Variants in SORCS3 observed in about 807,000 individuals in gnomAD.
SORCS3 encodes the protein VPS10 domain-containing receptor SorCS3.
A neutral mutation model predicts 146.3 loss-of-function variants in SORCS3; 57 were observed. That is an observed-to-expected ratio of 0.39 (90% CI 0.31 to 0.49). SORCS3 has a LOEUF of 0.49. Ranked by LOEUF, SORCS3 falls within the 20% of genes least tolerant of loss-of-function variation. SORCS3 has a pLI of 0.92. For missense variants in SORCS3, 1,341 were observed against 1,575.5 expected (o/e 0.85, Z 2.52); for synonymous variants, 653 against 618.5 (o/e 1.06, Z -0.83).
intron 20 of SORCS3, among the ~76,000 whole-genome samples, chr10:105,232,652 T>C (rs548426308): frequency 2.6e-5 from 4 of 152,042 alleles, no homozygotes; most frequent in South Asian, 2.1e-4. Context: ...CTTTTTAATA[T>C]ATACACTCAA....
intron 4 of SORCS3, among the ~76,000 whole-genome samples, chr10:105,011,762 C>T (rs2055137451): frequency 6.6e-6 from 1 of 152,162 alleles, no homozygotes; most frequent in Admixed American, 6.6e-5. Flanking sequence ...TTCCATTCCT[C>T]TTTCCACCAG....
At chr10:104,836,632 C>G (rs1320598066) in intron 1 of SORCS3, among the ~76,000 whole-genome samples, 1 of 152,178 alleles carries the variant, frequency 6.6e-6, no homozygotes, top group Non-Finnish European at 1.5e-5. Context: ...CCGCCCTCTT[C>G]ACTCTTGTAG....
At chr10:105,242,494 A>ATATATTTATATATTTATATATT (rs1564793531) in intron 20 of SORCS3, among the ~76,000 whole-genome samples, 7 of 15,956 alleles carry the variant, frequency 4.4e-4, no homozygotes, top group Admixed American at 7.0e-4. Context: ...TTATATATTT[A>ATATATTTATATATTTATATATT]TATATATTTA....
intron 3 of SORCS3, among the ~76,000 whole-genome samples, chr10:104,953,236 A>G (rs2019452125): frequency 6.6e-6 from 1 of 152,196 alleles, no homozygotes; most frequent in Non-Finnish European, 1.5e-5. Flanking sequence ...ATCATGGTGA[A>G]GGCTCTGCTG....
chr10:104,871,239 A>G (rs2018516011), intron 2 of SORCS3, among the ~76,000 whole-genome samples: 1 of 152,228 alleles, frequency 6.6e-6, no homozygotes, highest in South Asian at 2.1e-4. Flanking sequence ...AAAGAAACCA[A>G]TGCACAGGGA....
intron 5 of SORCS3, among the ~76,000 whole-genome samples, chr10:105,060,876 G>A (rs911921409): frequency 1.4e-4 from 22 of 151,858 alleles, no homozygotes; most frequent in Admixed American, 8.5e-4. Flanking sequence ...GGCGGAGGTT[G>A]TGGTGAGCTG....
intron 1 of SORCS3, among the ~76,000 whole-genome samples, chr10:104,699,826 A>G (rs1021162668): frequency 6.6e-6 from 1 of 152,188 alleles, no homozygotes; most frequent in Non-Finnish European, 1.5e-5. Context: ...TAGATTTTTT[A>G]AAATATGAAT....
At chr10:105,107,970 T>C (rs986951031) in intron 7 of SORCS3, among the ~76,000 whole-genome samples, 1 of 152,206 alleles carries the variant, frequency 6.6e-6, no homozygotes, top group Non-Finnish European at 1.5e-5. Context: ...GGGTGGATTA[T>C]ATTTATTAAC....
intron 2 of SORCS3, among the ~76,000 whole-genome samples, chr10:104,874,139 T>C (rs1232423525): frequency 6.6e-6 from 1 of 152,208 alleles, no homozygotes; most frequent in Non-Finnish European, 1.5e-5. Flanking sequence ...TGCAGTGTGC[T>C]TATCTTGTTT....
chr10:104,768,508 G>C (rs1340652362), intron 1 of SORCS3, among the ~76,000 whole-genome samples: 1 of 152,070 alleles, frequency 6.6e-6, no homozygotes, highest in Non-Finnish European at 1.5e-5. Flanking sequence ...TGGGAGAAAG[G>C]AAACAAAAAA....
chr10:104,887,178 C>T (rs2018697722), intron 2 of SORCS3, among the ~76,000 whole-genome samples: 2 of 152,132 alleles, frequency 1.3e-5, no homozygotes, highest in Non-Finnish European at 2.9e-5. Context: ...AGACACTTTG[C>T]AGTTCATAAA....
chr10:105,080,877 T>G (rs551825720), intron 5 of SORCS3, among the ~76,000 whole-genome samples: 1 of 152,296 alleles, frequency 6.6e-6, no homozygotes, highest in East Asian at 1.9e-4. Context: ...CTACCTGATC[T>G]TCAATGAAGC....
chr10:104,984,032 C>T (rs1344551798), intron 4 of SORCS3, among the ~76,000 whole-genome samples: 1 of 152,138 alleles, frequency 6.6e-6, no homozygotes, highest in Non-Finnish European at 1.5e-5. Context: ...CTGAGAATTA[C>T]TTGCGTGCTT....
chr10:104,841,416 C>T (rs1159952391), intron 1 of SORCS3, among the ~76,000 whole-genome samples: 1 of 152,186 alleles, frequency 6.6e-6, no homozygotes, highest in East Asian at 1.9e-4. Flanking sequence ...TACTATTCTA[C>T]AAATGGCCAT....
intron 1 of SORCS3, among the ~76,000 whole-genome samples, chr10:104,688,595 C>T (rs1283340864): frequency 5.3e-5 from 8 of 152,184 alleles, no homozygotes; most frequent in African/African-American, 1.4e-4. Context: ...GTGGATTGTT[C>T]GGCCTCAACT....
At chr10:104,937,905 G>T (rs949413434) in intron 3 of SORCS3, among the ~76,000 whole-genome samples, 2 of 152,114 alleles carry the variant, frequency 1.3e-5, no homozygotes, top group African/African-American at 4.8e-5. Flanking sequence ...TTAATTACAA[G>T]GCACAGCAGT....
chr10:104,781,842 C>A (rs1345927753), intron 1 of SORCS3, among the ~76,000 whole-genome samples: 1 of 152,194 alleles, frequency 6.6e-6, no homozygotes, highest in African/African-American at 2.4e-5. Context: ...GGTGAGTCTT[C>A]CTGCTCTTCA....
At position 104,704,467 on chromosome 10, in the gene SORCS3, A is replaced by G. The variant is rs913466234; in HGVS notation, c.627+62513A>G. Among the ~76,000 whole-genome samples, 4 of 152,252 alleles carry G rather than the reference A, an allele frequency of 2.6e-5. No homozygotes were observed. In the East Asian group the frequency reaches 7.7e-4, roughly 29 times the overall value. On this transcript the variant is annotated intron_variant, in intron 1 of 26. Coordinates refer to ENST00000369701, the MANE Select transcript of SORCS3 (RefSeq NM_014978.3). ...GCTGGGATTACAGGAATGAGTCACC[A>G]TGCCCCAGCTGACTTCTACAGGTTC...
intron 14 of SORCS3, among the ~76,000 whole-genome samples, chr10:105,181,164 T>C (rs1341805463): frequency 1.3e-5 from 2 of 152,224 alleles, no homozygotes; most frequent in African/African-American, 4.8e-5. Flanking sequence ...ATATATGTAC[T>C]GGATAAATGA....
Sources: allele counts gnomAD v4.1 joint callset (sites outside exome capture counted in the v4.1 genomes callset), GRCh38; gene constraint gnomAD v4.1.1; transcripts MANE v1.5; gene names NCBI Gene and HGNC (gene_info 2026-07-23, HGNC 2026-07-21).